The following GON7 variants were observed in gnomAD, a reference collection of about 807,000 sequenced individuals.
GON7 encodes the protein EKC/KEOPS complex subunit GON7.
A neutral mutation model predicts 7.6 loss-of-function variants in GON7; 2 were observed. That is an observed-to-expected ratio of 0.26 (90% CI 0.11 to 0.83). The LOEUF is 0.83. Ranked by LOEUF, GON7 falls within the 40% of genes least tolerant of loss-of-function variation. The pLI, the probability that GON7 is intolerant of heterozygous loss-of-function variation, is 0.65. For synonymous variants in GON7, 54 were observed against 56.6 expected (o/e 0.95, Z 0.20); for missense variants, 121 against 132.2 (o/e 0.92, Z 0.42).
rs1595262432 is a variant in GON7, at chr14:93,206,959, C to G, written c.79G>C (p.Gly27Arg). The G allele has an allele frequency of 6.2e-7, 1 of 1,614,234 alleles. No homozygotes were observed. The highest frequency in any genetic ancestry group is 1.1e-5 in the South Asian group (1 of 91,090). Residue 27 changes from glycine to arginine, a missense_variant, in exon 1 of 2, where the codon GGC (glycine) becomes CGC (arginine). Gly to Arg is a moderately radical substitution (Grantham distance 125). Coordinates refer to ENST00000306954, the MANE Select transcript of GON7 (RefSeq NM_032490.5). ...LRVSCEAPGD[G>R]DPFQGLLSGV... The stretch of plus-strand genomic sequence containing the variant: ...GACAACAGGCCCTGGAAAGGGTCGC[C>G]GTCACCCGGCGCCTCACAGGACACC...
Position 93,203,686 on chromosome 14 carries a change from T to G in GON7, c.*2A>C, listed in dbSNP as rs773640502. ...ATCTTTTAAATGTCATGAAGGCTATTGTTAAGACGGTGTTTTTGGCCGTTT... is the reference window on the plus strand; with the variant it reads ...ATCTTTTAAATGTCATGAAGGCTATGGTTAAGACGGTGTTTTTGGCCGTTT... On this transcript the variant is annotated 3_prime_UTR_variant, in exon 2 of 2. Coordinates refer to ENST00000306954, the MANE Select transcript of GON7 (RefSeq NM_032490.5). The G allele has an allele frequency of 3.7e-6, 6 of 1,612,884 alleles. No individual in the cohort carries two copies. Among genetic ancestry groups the G allele is most frequent in the Non-Finnish European group, 5.1e-6 (6 of 1,179,056 alleles).
rs114546200 is a variant in GON7 at position 93,206,387 on chromosome 14, T to C, written c.208+443A>G. ...GGGCAGGAACTGAGTCGCATTCACC[T>C]CATTCTTCCTCCAGGGCTCAGCTCA... On this transcript the variant is annotated intron_variant, in intron 1 of 1. Transcript: ENST00000306954. Among the ~76,000 whole-genome samples the C allele has an allele frequency of 5.7e-3, 868 of 152,082 alleles. 8 individuals carry two copies. The highest frequency in any genetic ancestry group is 0.02 in the African/African-American group (823 of 41,492).
Position 93,203,726 on chromosome 14 carries a change from C to T in GON7, c.265G>A (p.Asp89Asn), listed in dbSNP as rs1246874367. The T allele has an allele frequency of 6.2e-7, 1 of 1,614,028 alleles. No homozygotes were observed. Among genetic ancestry groups the T allele is most frequent in the East Asian group, 2.2e-5 (1 of 44,850 alleles). Reference protein sequence around the residue: ...ENNIDNRTNFDGPSAKRPKTP... With the variant: ...ENNIDNRTNFNGPSAKRPKTP... ...TTTGGCCGTTTTGCAGATGGTCCATCGAAGTTAGTTCTGTTATCAATGTTA... is the reference window on the plus strand; with the variant it reads ...TTTGGCCGTTTTGCAGATGGTCCATTGAAGTTAGTTCTGTTATCAATGTTA... Residue 89 changes from aspartate (D) to asparagine (N), a missense_variant, in exon 2 of 2, where the codon GAT becomes AAT. By Grantham distance (23) the Asp-to-Asn change is conservative. Coordinates refer to ENST00000306954, the MANE Select transcript of GON7 (RefSeq NM_032490.5).
At chr14:93,204,454 C>CT (rs1187320542) in intron 1 of GON7, among the ~76,000 whole-genome samples, 1 of 152,228 alleles carries the variant, frequency 6.6e-6, no homozygotes, top group Non-Finnish European at 1.5e-5. Context: ...CACTAATCTA[C>CT]TTTTTTTCCC....
chr14:93,203,704 G>A lies in GON7; in HGVS notation c.287C>T (p.Pro96Leu). 1.2e-6 allele frequency: 2 copies of A among 1,613,868 alleles called. No homozygotes were observed. Among genetic ancestry groups the A allele is most frequent in the East Asian group, 2.2e-5 (1 of 44,852 alleles). ...AGGCTATTGTTAAGACGGTGTTTTT[G>A]GCCGTTTTGCAGATGGTCCATCGAA... is the stretch of plus-strand genomic sequence containing the variant. Reference protein sequence around the residue: ...TNFDGPSAKRPKTPS With the variant: ...TNFDGPSAKRLKTPS The change falls in exon 2 of 2, where the codon CCA becomes CTA. Residue 96 changes from proline (P) to leucine (L), a missense_variant. By Grantham distance (98) the Pro-to-Leu change is moderately conservative. Coordinates refer to ENST00000306954, the MANE Select transcript of GON7 (RefSeq NM_032490.5).
intron 1 of GON7, among the ~76,000 whole-genome samples, chr14:93,204,071 C>A (rs1894297082): frequency 6.6e-6 from 1 of 152,138 alleles, no homozygotes; most frequent in African/African-American, 2.4e-5. Flanking sequence ...TCTCAGCTTA[C>A]TGCAACCTCC....
At chr14:93,206,478 T>C (rs552349158) in intron 1 of GON7, among the ~76,000 whole-genome samples, 1 of 152,104 alleles carries the variant, frequency 6.6e-6, no homozygotes, top group Non-Finnish European at 1.5e-5. Context: ...TAGCGATGAG[T>C]TGTGGAAACG....
In GON7 at chr14:93,203,713, G is replaced by C; in HGVS notation, c.278C>G (p.Ala93Gly). The C allele has an allele frequency of 6.2e-7, 1 of 1,614,004 alleles. No homozygotes were observed. The change falls in exon 2 of 2, where the codon GCA becomes GGA. Residue 93 changes from alanine to glycine, a missense_variant. Transcript: ENST00000306954. ...TTAAGACGGTGTTTTTGGCCGTTTTGCAGATGGTCCATCGAAGTTAGTTCT... is the reference window on the plus strand; with the variant it reads ...TTAAGACGGTGTTTTTGGCCGTTTTCCAGATGGTCCATCGAAGTTAGTTCT... ...DNRTNFDGPSAKRPKTPS is the reference protein window; with the variant it reads ...DNRTNFDGPSGKRPKTPS
intron 1 of GON7, 21 bp from the exon 2 acceptor site, chr14:93,203,803 T>G (rs772620723): frequency 6.3e-7 from 1 of 1,584,082 alleles, no homozygotes; most frequent in South Asian, 1.1e-5. Context: ...AAATATTTGT[T>G]GTATGACAAT....
At chr14:93,205,747 CT>C (rs1894328303) in intron 1 of GON7, among the ~76,000 whole-genome samples, 1 of 151,964 alleles carries the variant, frequency 6.6e-6, no homozygotes. Flanking sequence ...CATGTTTCTA[CT>C]TTCAAACTGC....
rs779744808 is a variant in GON7, at chr14:93,203,648, G to A, written c.*40C>T. ...CTTAAATGTCCTAGTGTGACAATAA[G>A]GATACAACAGCCATCTTTTAAATGT... On this transcript the variant is annotated 3_prime_UTR_variant, in exon 2 of 2. Transcript: ENST00000306954. The A allele has an allele frequency of 6.5e-7, 1 of 1,528,536 alleles. No individual in the cohort carries two copies. The highest frequency in any genetic ancestry group is 9.1e-7 in the Non-Finnish European group (1 of 1,102,666). The allele number at this position is 1,528,536 out of a possible 1,614,324, so 94.7% of individuals were successfully genotyped here.
chr14:93,204,347 A>G (rs537183905), intron 1 of GON7, among the ~76,000 whole-genome samples: 2 of 152,334 alleles, frequency 1.3e-5, no homozygotes, highest in African/African-American at 4.8e-5. Flanking sequence ...TATATTCACT[A>G]GCTTGTGCAA....
At chr14:93,204,094 C>G (rs1336376380) in intron 1 of GON7, among the ~76,000 whole-genome samples, 1 of 152,150 alleles carries the variant, frequency 6.6e-6, no homozygotes, top group Non-Finnish European at 1.5e-5. Flanking sequence ...CTCCGGGGTT[C>G]AAGCGATTCC....
chr14:93,204,723 T>C (rs1566817634), intron 1 of GON7, among the ~76,000 whole-genome samples: 1 of 152,256 alleles, frequency 6.6e-6, no homozygotes. Context: ...GTAGCACATG[T>C]TAATACTTCA....
chr14:93,204,320 G>A (rs965531978), intron 1 of GON7, among the ~76,000 whole-genome samples: 4 of 152,118 alleles, frequency 2.6e-5, no homozygotes, highest in African/African-American at 4.8e-5. Context: ...AAAAGTGTAC[G>A]GCCTAGTGGT....
chr14:93,206,692 A>C (rs1894352012), intron 1 of GON7, 138 bp downstream of exon 1: 4 of 980,490 alleles, frequency 4.1e-6, no homozygotes, highest in Non-Finnish European at 5.8e-6. Flanking sequence ...CTAGCCCGCC[A>C]AAAATTTTTA....
At position 93,203,690 on chromosome 14, in the gene GON7, A is replaced by T; in HGVS notation, c.301T>A (p.Ter101LysextTer2). The T allele has an allele frequency of 6.2e-7, 1 of 1,613,298 alleles. No homozygotes were observed. Among genetic ancestry groups the T allele is most frequent in the South Asian group, 1.1e-5 (1 of 91,064 alleles). Residue 101 changes from the stop codon to lysine, a stop_lost, in exon 2 of 2, where the codon TAA becomes AAA. Coordinates refer to ENST00000306954, the MANE Select transcript of GON7 (RefSeq NM_032490.5). Reference protein sequence around the residue: ...PSAKRPKTPS* With the variant: ...PSAKRPKTPSK ...TTTAAATGTCATGAAGGCTATTGTT[A>T]AGACGGTGTTTTTGGCCGTTTTGCA...
chr14:93,204,338 A>G (rs1247382393), intron 1 of GON7, among the ~76,000 whole-genome samples: 1 of 152,206 alleles, frequency 6.6e-6, no homozygotes, highest in African/African-American at 2.4e-5. Context: ...GGTTTTTAGT[A>G]TATTCACTAG....
chr14:93,204,304 C>G (rs953949581), intron 1 of GON7, among the ~76,000 whole-genome samples: 2 of 152,118 alleles, frequency 1.3e-5, no homozygotes, highest in African/African-American at 4.8e-5. Flanking sequence ...AAAATCCACT[C>G]TTTTAAAAAG....
Sources: allele counts gnomAD v4.1 joint callset (sites outside exome capture counted in the v4.1 genomes callset), GRCh38; gene constraint gnomAD v4.1.1; transcripts MANE v1.5; gene names NCBI Gene and HGNC (gene_info 2026-07-23, HGNC 2026-07-21).